The following DZIP1 variants were observed in gnomAD, a reference collection of about 807,000 sequenced individuals.
DZIP1 encodes the protein cilium assembly protein DZIP1.
DZIP1 carries 97 observed loss-of-function variants against 107.6 expected under a neutral mutation model. The observed-to-expected ratio is 0.90, with a 90% CI of 0.77 to 1.07. The LOEUF (loss-of-function observed/expected upper bound fraction) is 1.07. DZIP1 is among the 50% of genes least tolerant of loss of function. DZIP1 has a pLI of 0.00. For synonymous variants in DZIP1, 390 were observed against 386.4 expected, an observed-to-expected ratio of 1.01 and a Z score of -0.11; for missense variants, 1,035 against 1,063.6, an observed-to-expected ratio of 0.97 and a Z score of 0.37.
chr13:95,595,647 G>A (rs1323850704), intron 15 of DZIP1, among the ~76,000 whole-genome samples: 1 of 152,106 alleles, frequency 6.6e-6, no homozygotes, highest in Non-Finnish European at 1.5e-5. Context: ...GTGTGCAACT[G>A]TCTAGGGCCA....
chr13:95,632,939 G>T (rs921918687), intron 6 of DZIP1, among the ~76,000 whole-genome samples: 3 of 152,132 alleles, frequency 2.0e-5, no homozygotes, highest in African/African-American at 7.2e-5. Flanking sequence ...CATTTGAGAA[G>T]AATTACTCAT....
At chr13:95,631,099 G>A (rs1217909698) in intron 6 of DZIP1, among the ~76,000 whole-genome samples, 1 of 152,102 alleles carries the variant, frequency 6.6e-6, no homozygotes, top group Non-Finnish European at 1.5e-5. Flanking sequence ...GCCCAAACTG[G>A]AGGGAAATGC....
intron 5 of DZIP1, among the ~76,000 whole-genome samples, chr13:95,635,911 G>A (rs368947458): frequency 1.0e-4 from 15 of 150,440 alleles, no homozygotes; most frequent in African/African-American, 3.6e-4. Flanking sequence ...TCAAAGGGAG[G>A]AGGGGAAAAA....
intron 13 of DZIP1, among the ~76,000 whole-genome samples, chr13:95,608,103 T>C (rs1594684248): frequency 6.6e-6 from 1 of 152,164 alleles, no homozygotes; most frequent in African/African-American, 2.4e-5. Flanking sequence ...GGAAGAGGAA[T>C]GGGACAAGCC....
chr13:95,587,219 C>G (rs1278396266), intron 20 of DZIP1, among the ~76,000 whole-genome samples: 2 of 152,136 alleles, frequency 1.3e-5, no homozygotes, highest in Non-Finnish European at 2.9e-5. Flanking sequence ...TCACAGGAAC[C>G]AACAGCGCCA....
At position 95,578,236 on chromosome 13, in the gene DZIP1, G is replaced by A. The variant is rs565450960; in HGVS notation, c.*3998C>T. 2 of 337,864 alleles carry A rather than the reference G, an allele frequency of 5.9e-6. No homozygotes were observed. The highest frequency in any genetic ancestry group is 5.2e-5 in the East Asian group (1 of 19,304). The allele number at this position is 337,864 out of a possible 1,614,324, so 20.9% of individuals were successfully genotyped here. On this transcript the variant is annotated 3_prime_UTR_variant, in exon 23 of 23. Coordinates refer to ENST00000376829, the MANE Select transcript of DZIP1 (RefSeq NM_198968.4). ...ATAAAAAATAAACAGTTTATTTACA[G>A]GATTTGTAAAATGTTTTCTACATTT...
chr13:95,606,063 A>C lies in DZIP1; in HGVS notation c.1421-4T>G. 1 of 1,613,686 alleles carries C rather than the reference A, an allele frequency of 6.2e-7. No individual in the cohort carries two copies. The highest frequency in any genetic ancestry group is 8.5e-7 in the Non-Finnish European group (1 of 1,179,802). On this transcript the variant is annotated splice_polypyrimidine_tract_variant and splice_region_variant and intron_variant, in intron 13 of 22. Coordinates refer to ENST00000376829, the MANE Select transcript of DZIP1 (RefSeq NM_198968.4). Reference sequence around the variant, plus strand: ...GTGTGCAGGGCTGGGGCATTCACTGAAACAGCATAAAAAGGAAAAACTCAG... The same window carrying C: ...GTGTGCAGGGCTGGGGCATTCACTGCAACAGCATAAAAAGGAAAAACTCAG...
In DZIP1 at chr13:95,636,189, T is replaced by G. The variant is rs963109164; in HGVS notation, c.598-2868A>C. 5.9e-5 allele frequency among the ~76,000 whole-genome samples: 3 copies of G among 51,198 alleles called. No individual in the cohort carries two copies. The South Asian group carries it at 2.0e-3, about 35-fold the overall frequency. 33.6% of individuals were successfully genotyped at this position (51,198 alleles called of 152,430 possible). On this transcript the variant is annotated intron_variant, in intron 5 of 22. Coordinates refer to ENST00000376829, the MANE Select transcript of DZIP1 (RefSeq NM_198968.4). ...ACCAGAATGAGTTTAAAAAGAAAGA[T>G]AAAATACAAAAAAAAAAAAAAGATC...
chr13:95,622,469 T>G lies in DZIP1; in HGVS notation c.984A>C (p.Glu328Asp). 1 of 1,614,172 alleles carries G rather than the reference T, an allele frequency of 6.2e-7. No individual in the cohort carries two copies. The highest frequency in any genetic ancestry group is 8.5e-7 in the Non-Finnish European group (1 of 1,180,018). Residue 328 changes from glutamate (E) to aspartate (D), a missense_variant, in exon 9 of 23, where the codon GAA (glutamate) becomes GAC (aspartate). Transcript: ENST00000376829. ...TGATCTGCATATTGGACTTCTGGAT[T>G]TCTGACAGTTGCTATAAGATAAAAT... The part of the protein sequence containing the change: ...KNSALEYQLS[E>D]IQKSNMQIKS...
intron 10 of DZIP1, among the ~76,000 whole-genome samples, chr13:95,615,231 A>G (rs1874906836): frequency 6.6e-6 from 1 of 152,184 alleles, no homozygotes; most frequent in Non-Finnish European, 1.5e-5. Flanking sequence ...GACAAAGTAT[A>G]AAAACTGTAA....
intron 12 of DZIP1, among the ~76,000 whole-genome samples, chr13:95,609,940 T>C (rs2044925861): frequency 6.6e-6 from 1 of 152,116 alleles, no homozygotes; most frequent in African/African-American, 2.4e-5. Context: ...CTGGAATCAC[T>C]GGGAAGAAAA....
In DZIP1 at chr13:95,589,047, A is replaced by T. The variant is rs535961808; in HGVS notation, c.2027+107T>A. ...AAGGAATGACAAATTATGATATTAAATAATTACGGCTTCATTCAACCATAA... is the reference window on the plus strand; with the variant it reads ...AAGGAATGACAAATTATGATATTAATTAATTACGGCTTCATTCAACCATAA... On this transcript the variant is annotated intron_variant, in intron 19 of 22. Transcript: ENST00000376829. 195 of 893,240 alleles carry T rather than the reference A, an allele frequency of 2.2e-4. 1 individual carries two copies. Among genetic ancestry groups the T allele is most frequent in the Non-Finnish European group, 3.3e-4 (186 of 558,010 alleles). The allele number at this position is 893,240 out of a possible 1,614,324, so 55.3% of individuals were successfully genotyped here. A position where few individuals can be genotyped will look rare whatever the true frequency, so the allele number is the denominator to read the frequency against.
rs199690103 is a variant in DZIP1, at chr13:95,579,082, C to T, written c.*3152G>A. The stretch of plus-strand genomic sequence containing the variant: ...GCATGTGGGAGTTATTTATATCCTA[C>T]TGCTCAAGGTCATCGCCAAGGTGTG... On this transcript the variant is annotated 3_prime_UTR_variant, in exon 23 of 23. Transcript: ENST00000376829. 2.6e-5 allele frequency: 4 copies of T among 152,326 alleles called. No individual in the cohort carries two copies. In the East Asian group the frequency reaches 7.7e-4, roughly 29 times the overall value. The allele number at this position is 152,326 out of a possible 1,614,324, so 9.4% of individuals were successfully genotyped here.
chr13:95,641,954 G>C lies in DZIP1; in HGVS notation c.36+40C>G, dbSNP rs562909421. 1 of 1,560,106 alleles carries C rather than the reference G, an allele frequency of 6.4e-7. No individual in the cohort carries two copies. Among genetic ancestry groups the C allele is most frequent in the Non-Finnish European group, 8.6e-7 (1 of 1,159,516 alleles). ...GGGAAGCCCCGGTTCTCCCCAGCCC[G>C]GCATCCCCGTCGGGGGCGCCCCGGC... On this transcript the variant is annotated intron_variant, in intron 4 of 22. Coordinates refer to ENST00000376829, the MANE Select transcript of DZIP1 (RefSeq NM_198968.4). This position sits in a 1 kb window ranked among gnomAD's most constrained non-coding sequence, Gnocchi z 4.3.
chr13:95,618,116 C>T (rs1875368077), intron 10 of DZIP1: 3 of 500,252 alleles, frequency 6.0e-6, no homozygotes, highest in East Asian at 5.5e-5. Context: ...ATGATCCACA[C>T]ACAGCCCTAA....
Position 95,610,885 on chromosome 13 carries a change from T to C in DZIP1, c.1363+560A>G, listed in dbSNP as rs150789218. 2.1e-4 allele frequency among the ~76,000 whole-genome samples: 32 copies of C among 152,328 alleles called. No individual in the cohort carries two copies. The East Asian group carries it at 5.6e-3, about 27-fold the overall frequency. On this transcript the variant is annotated intron_variant, in intron 12 of 22. Coordinates refer to ENST00000376829, the MANE Select transcript of DZIP1 (RefSeq NM_198968.4). ...TCTCATGCATTAGCTGGCCAGGTGA[T>C]GCCTTGCACCATAGGTTGACCCTCA... is the stretch of plus-strand genomic sequence containing the variant.
At chr13:95,621,230 A>G (rs1875803304) in intron 9 of DZIP1, among the ~76,000 whole-genome samples, 1 of 152,222 alleles carries the variant, frequency 6.6e-6, no homozygotes, top group Non-Finnish European at 1.5e-5. Flanking sequence ...AACCGAGGAA[A>G]AAGACAGAAG....
Position 95,642,073 on chromosome 13 carries a change from GGCC to G in DZIP1, c.-47_-45del, listed in dbSNP as rs775805889. On this transcript the variant is annotated 5_prime_UTR_variant, in exon 4 of 23. Transcript: ENST00000376829. ...TTTACCCAGCCTGGGCCGCCTCCCG[GGCC>G]GCCGCCGCCACAGCCCTCAGGAGCG... The G allele has an allele frequency of 2.7e-6, 4 of 1,491,458 alleles. No individual in the cohort carries two copies. Among genetic ancestry groups the G allele is most frequent in the Non-Finnish European group, 2.7e-6 (3 of 1,130,556 alleles). The allele number at this position is 1,491,458 out of a possible 1,614,324, so 92.4% of individuals were successfully genotyped here.
At chr13:95,618,513 G>T (rs941834837) in intron 10 of DZIP1, among the ~76,000 whole-genome samples, 20 of 152,198 alleles carry the variant, frequency 1.3e-4, no homozygotes, top group Admixed American at 9.2e-4. Context: ...AATCTTAAAG[G>T]TAGATTAATA....
Sources: gnomAD v4.1 joint callset for allele counts (sites outside exome capture counted in the v4.1 genomes callset) on GRCh38, gnomAD v4.1.1 for gene constraint, Gnocchi (gnomAD v3.1) non-coding constraint, MANE v1.5 for transcripts, NCBI Gene and HGNC (gene_info 2026-07-23, HGNC 2026-07-21) for gene names.